Variants in RHOBTB1 observed in about 807,000 individuals in gnomAD.
The protein encoded by RHOBTB1 is Rho related BTB domain containing 1, also known as rho-related BTB domain-containing protein 1.
Under a neutral mutation model 71.6 loss-of-function variants are expected in RHOBTB1, and 40 were observed. The observed-to-expected ratio is 0.56, with a 90% CI of 0.43 to 0.73. The LOEUF (loss-of-function observed/expected upper bound fraction) is 0.73. Ranked by LOEUF, RHOBTB1 falls within the 30% of genes least tolerant of loss-of-function variation. The pLI is 0.00. For synonymous variants in RHOBTB1, 319 were observed against 334.9 expected (o/e 0.95, Z 0.52); for missense variants, 797 against 894.0 (o/e 0.89, Z 1.38).
At chr10:60,955,727 T>C (rs2134448174) in intron 2 of RHOBTB1, among the ~76,000 whole-genome samples, 1 of 152,236 alleles carries the variant, frequency 6.6e-6, no homozygotes, top group Middle Eastern at 3.4e-3. Context: ...CAGTTACAGA[T>C]ACTCAGAAGG....
chr10:60,929,240 T>C (rs1463398820), intron 2 of RHOBTB1, among the ~76,000 whole-genome samples: 2 of 152,258 alleles, frequency 1.3e-5, no homozygotes, highest in East Asian at 1.9e-4. Flanking sequence ...ATTACACATT[T>C]TATGTTTGTA....
intron 1 of RHOBTB1, among the ~76,000 whole-genome samples, chr10:60,994,665 C>T (rs977591799): frequency 1.3e-5 from 2 of 152,020 alleles, no homozygotes; most frequent in Non-Finnish European, 2.9e-5. Flanking sequence ...ACATTAAATT[C>T]ATTCAATAAA....
chr10:60,913,844 T>C (rs2083123392), intron 2 of RHOBTB1, among the ~76,000 whole-genome samples: 1 of 152,216 alleles, frequency 6.6e-6, no homozygotes, highest in African/African-American at 2.4e-5. Context: ...TTTCTGAGCC[T>C]CAGTCTCCTC....
At chr10:60,977,847 G>A (rs910747077) in intron 2 of RHOBTB1, among the ~76,000 whole-genome samples, 1 of 152,056 alleles carries the variant, frequency 6.6e-6, no homozygotes, top group Non-Finnish European at 1.5e-5. Context: ...ATACTGTAAT[G>A]CTTTGTGGGT....
At chr10:60,972,326 C>T (rs891818639) in intron 2 of RHOBTB1, among the ~76,000 whole-genome samples, 1 of 152,070 alleles carries the variant, frequency 6.6e-6, no homozygotes, top group South Asian at 2.1e-4. Context: ...GAAAATGTGG[C>T]ACATATACAC....
At chr10:60,867,498 C>T (rs772447090), downstream of RHOBTB1, among the ~76,000 whole-genome samples, 7 of 152,230 alleles carry the variant, frequency 4.6e-5, no homozygotes, top group Admixed American at 2.0e-4. Flanking sequence ...GGAAACTGAA[C>T]GACAGGAGAG....
intron 2 of RHOBTB1, among the ~76,000 whole-genome samples, chr10:60,966,667 T>C (rs1220656539): frequency 6.6e-6 from 1 of 151,954 alleles, no homozygotes; most frequent in Non-Finnish European, 1.5e-5. Context: ...CTTCTTTTTT[T>C]TTTGGTTCTT....
Position 60,871,581 on chromosome 10 carries a change from C to T in RHOBTB1, c.1992G>A (p.Gln664=), listed in dbSNP as rs1375346225. ...VWYLKEEDHY[Q]RVKREREKED... The stretch of plus-strand genomic sequence containing the variant: ...CCTTCTCTCGTTCCCTTTTCACACG[C>T]TGGTAGTGATCTTCTTCCTTCAGGT... The change falls in exon 11 of 11, where the codon CAG becomes CAA. Residue 664 remains glutamine, a synonymous_variant. Coordinates refer to ENST00000337910, the MANE Select transcript of RHOBTB1 (RefSeq NM_014836.5). 1 of 1,614,008 alleles carries T rather than the reference C, an allele frequency of 6.2e-7. No individual in the cohort carries two copies. Among genetic ancestry groups the T allele is most frequent in the Non-Finnish European group, 8.5e-7 (1 of 1,180,018 alleles).
chr10:60,930,529 C>T (rs1392747560), intron 2 of RHOBTB1, among the ~76,000 whole-genome samples: 4 of 152,170 alleles, frequency 2.6e-5, no homozygotes, highest in Non-Finnish European at 5.9e-5. Context: ...TAAGTATGTG[C>T]AACCCAAATA....
Position 60,983,339 on chromosome 10 carries a change from T to C in RHOBTB1, c.-62+2506A>G, listed in dbSNP as rs143010364. ...CTTAAATGAATAAATAACAATTAAC[T>C]GAATGAAATTTGCTTATTATAAGAC... On this transcript the variant is annotated intron_variant, in intron 2 of 11. Coordinates refer to the RHOBTB1 transcript ENST00000357917. Among the ~76,000 whole-genome samples the C allele has an allele frequency of 3.0e-3, 452 of 152,266 alleles. 7 individuals carry two copies. Among genetic ancestry groups the C allele is most frequent in the African/African-American group, 0.01 (417 of 41,550 alleles).
chr10:60,892,326 A>T (rs2081962978), intron 5 of RHOBTB1, among the ~76,000 whole-genome samples: 2 of 152,220 alleles, frequency 1.3e-5, no homozygotes, highest in Admixed American at 1.3e-4. Context: ...AAAAGTGGAC[A>T]CTGTCATCTT....
chr10:60,951,443 C>A (rs1358591288), intron 2 of RHOBTB1, among the ~76,000 whole-genome samples: 1 of 152,188 alleles, frequency 6.6e-6, no homozygotes, highest in Non-Finnish European at 1.5e-5. Context: ...AATATTTATG[C>A]CTACTTTAAT....
At chr10:60,956,594 T>C (rs1195083152) in intron 2 of RHOBTB1, among the ~76,000 whole-genome samples, 1 of 152,194 alleles carries the variant, frequency 6.6e-6, no homozygotes, top group Non-Finnish European at 1.5e-5. Context: ...ATATCTTCTT[T>C]ATATCCTTAT....
At chr10:60,885,234 C>T (rs1401536098) in intron 7 of RHOBTB1, among the ~76,000 whole-genome samples, 1 of 152,066 alleles carries the variant, frequency 6.6e-6, no homozygotes, top group Admixed American at 6.5e-5. Context: ...CTAATTAACC[C>T]GATTTGATCA....
intron 10 of RHOBTB1, 101 bp from the exon 11 acceptor site, chr10:60,871,752 G>A (rs2080798016): frequency 2.7e-6 from 3 of 1,124,854 alleles, no homozygotes; most frequent in African/African-American, 1.6e-5. Context: ...TCTCAAAAAC[G>A]TGATGCGGCA....
chr10:60,915,721 A>G (rs1438886625), intron 2 of RHOBTB1, among the ~76,000 whole-genome samples: 3 of 152,168 alleles, frequency 2.0e-5, no homozygotes, highest in African/African-American at 7.2e-5. Flanking sequence ...CATGCTCTTC[A>G]TGGTCTACAG....
chr10:60,881,014 TC>T (rs35204781), intron 7 of RHOBTB1, among the ~76,000 whole-genome samples: 2 of 143,132 alleles, frequency 1.4e-5, no homozygotes, highest in African/African-American at 2.6e-5. Context: ...CTCCCATAAT[TC>T]CCACGTGTTG....
intron 7 of RHOBTB1, among the ~76,000 whole-genome samples, chr10:60,883,418 T>C (rs2081418685): frequency 6.6e-6 from 1 of 152,206 alleles, no homozygotes; most frequent in African/African-American, 2.4e-5. Context: ...AGTCCATTCT[T>C]GGAAGGGATA....
rs1408218385 is a variant in RHOBTB1, at chr10:60,874,973, G to A, written c.1796C>T (p.Ser599Phe). Residue 599 changes from serine (S) to phenylalanine (F), a missense_variant, in exon 9 of 11, where the codon TCT (serine) becomes TTT (phenylalanine). Physicochemically the swap from Ser to Phe is radical, Grantham distance 155 (BLOSUM62 -2). Transcript: ENST00000337910. ...SGVGIDGEVLSYLELAQFHNA... is the reference protein window; with the variant it reads ...SGVGIDGEVLFYLELAQFHNA... ...ACAAACCTGAGCCAATTCCAAGTAA[G>A]AGAGCACTTCTCCGTCAATGCCCAC... The A allele has an allele frequency of 5.0e-6, 8 of 1,613,822 alleles. No homozygotes were observed. The highest frequency in any genetic ancestry group is 6.8e-6 in the Non-Finnish European group (8 of 1,179,714).
Sources: gnomAD v4.1 joint callset for allele counts (sites outside exome capture counted in the v4.1 genomes callset) on GRCh38, gnomAD v4.1.1 for gene constraint, MANE v1.5 for transcripts, NCBI Gene and HGNC (gene_info 2026-07-23, HGNC 2026-07-21) for gene names.